PLA2R1: variants seen among roughly 807,000 people sequenced by gnomAD.
The protein encoded by PLA2R1 is secretory phospholipase A2 receptor.
A neutral mutation model predicts 195.9 loss-of-function variants in PLA2R1; 158 were observed. The ratio of observed to expected loss-of-function variants is 0.81; its 90% CI spans 0.71 to 0.92. PLA2R1 has a LOEUF of 0.92. PLA2R1 is among the 40% of genes least tolerant of loss of function. The pLI is 0.00. For missense variants in PLA2R1, 1,626 were observed against 1,764.6 expected (o/e 0.92, Z 1.41); for synonymous variants, 586 against 598.2 (o/e 0.98, Z 0.30).
At chr2:159,950,559 T>G (rs1687669075) in intron 24 of PLA2R1, among the ~76,000 whole-genome samples, 1 of 152,246 alleles carries the variant, frequency 6.6e-6, no homozygotes, top group Non-Finnish European at 1.5e-5. Context: ...TATCCTTACA[T>G]GCTGCGTTCT....
At chr2:159,991,778 A>C (rs916573319) in intron 11 of PLA2R1, among the ~76,000 whole-genome samples, 22 of 129,582 alleles carry the variant, frequency 1.7e-4, no homozygotes, top group Non-Finnish European at 9.9e-5. Context: ...CCATGTCCCT[A>C]CAAAGGACAT....
chr2:160,005,719 G>T lies in PLA2R1; in HGVS notation c.1767C>A (p.Tyr589Ter), dbSNP rs533200421. ...ALQDQNDTGE[Y>*]TWKPVGQKPE... ...GTTTCTGCCCTACTGGCTTCCAAGT[G>T]TATTCTCCCGTATCATTTTGGTCCT... Residue 589 changes from tyrosine (Y) to a stop codon, truncating the protein, a stop_gained, in exon 11 of 30, where the codon TAC (tyrosine) becomes TAA (stop). Transcript: ENST00000283243. LOFTEE classifies it high-confidence loss of function. 2 of 1,613,656 alleles carry T rather than the reference G, an allele frequency of 1.2e-6. No homozygotes were observed. The highest frequency in any genetic ancestry group is 1.7e-6 in the Non-Finnish European group (2 of 1,179,638).
intron 12 of PLA2R1, among the ~76,000 whole-genome samples, chr2:159,986,867 G>T (rs957206832): frequency 6.6e-6 from 1 of 152,146 alleles, no homozygotes; most frequent in African/African-American, 2.4e-5. Flanking sequence ...GATTACAGGC[G>T]TGAGTCACTG....
Position 160,062,322 on chromosome 2 carries a change from T to C in PLA2R1, c.82A>G (p.Thr28Ala), listed in dbSNP as rs1231078418. 4.0e-6 allele frequency: 6 copies of C among 1,507,020 alleles called. No homozygotes were observed. Among genetic ancestry groups the C allele is most frequent in the East Asian group, 2.7e-5 (1 of 37,108 alleles). The allele number at this position is 1,507,020 out of a possible 1,614,324, so 93.4% of individuals were successfully genotyped here. The change falls in exon 1 of 30, where the codon ACC becomes GCC. Residue 28 changes from threonine to alanine, a missense_variant. Thr to Ala is a moderately conservative substitution (Grantham distance 58). Transcript: ENST00000283243. ...TGCCACTCCAGGAGCCGCTCGGGGG[T>C]AAGCGCCGCCGCCACACCCTCGGCG... ...GCAEGVAAAL[T>A]PERLLEWQDK...
intron 15 of PLA2R1, 116 bp downstream of exon 15, chr2:159,977,168 G>A (rs894923267): frequency 3.1e-5 from 24 of 774,352 alleles, no homozygotes; most frequent in Non-Finnish European, 3.9e-5. Flanking sequence ...CTAAAGTAGT[G>A]TAATTTATTT....
intron 1 of PLA2R1, among the ~76,000 whole-genome samples, chr2:160,058,669 T>C (rs1695740131): frequency 6.6e-6 from 1 of 152,086 alleles, no homozygotes; most frequent in African/African-American, 2.4e-5. Flanking sequence ...AGTACTTGAG[T>C]GAGTGAAGTT....
At chr2:160,023,319 A>AT (rs1443145363) in intron 6 of PLA2R1, among the ~76,000 whole-genome samples, 6 of 152,328 alleles carry the variant, frequency 3.9e-5, no homozygotes, top group African/African-American at 1.4e-4. Flanking sequence ...AAGCTGCAGT[A>AT]AAGAAGCTGG....
chr2:160,042,788 G>GGT (rs1197822388), intron 2 of PLA2R1, among the ~76,000 whole-genome samples: 10 of 135,422 alleles, frequency 7.4e-5, no homozygotes, highest in Non-Finnish European at 1.6e-4. Flanking sequence ...GACAGAGTGG[G>GGT]GTGTGTGTGT....
chr2:159,957,392 T>C (rs1688160531), intron 20 of PLA2R1, among the ~76,000 whole-genome samples: 1 of 152,210 alleles, frequency 6.6e-6, no homozygotes, highest in African/African-American at 2.4e-5. Flanking sequence ...TCTTGCTCTG[T>C]TGCCCAGGCT....
intron 28 of PLA2R1, among the ~76,000 whole-genome samples, chr2:159,942,973 CTT>C (rs5835779): frequency 1.2e-4 from 17 of 139,342 alleles, no homozygotes; most frequent in Non-Finnish European, 1.3e-4. Context: ...CAGACTTGTT[CTT>C]TTTTTTTTTT....
intron 1 of PLA2R1, among the ~76,000 whole-genome samples, chr2:160,053,013 A>T (rs62175515): frequency 0.3 from 45,950 of 152,130 alleles, 8,736 homozygotes; most frequent in Non-Finnish European, 0.42. Context: ...GCCATAACAA[A>T]ATACCACAAA....
At position 159,960,283 on chromosome 2, in the gene PLA2R1, CTT is replaced by C. The variant is rs1688351387; in HGVS notation, c.2905-3658_2905-3657del. ...TATACACTTTTCTAGAACCACATAA[CTT>C]TCCTTCATCACGTACAGCACAGTTT... On this transcript the variant is annotated intron_variant, in intron 20 of 29. Coordinates refer to ENST00000283243, the MANE Select transcript of PLA2R1 (RefSeq NM_007366.5). 2.0e-5 allele frequency among the ~76,000 whole-genome samples: 3 copies of C among 152,268 alleles called. No individual in the cohort carries two copies. The South Asian group carries it at 6.2e-4, about 32-fold the overall frequency.
At chr2:160,042,822 T>C (rs868349125) in intron 2 of PLA2R1, among the ~76,000 whole-genome samples, 10,148 of 115,258 alleles carry the variant, frequency 0.088, 994 homozygotes, top group African/African-American at 0.24. Context: ...TGTGTGTGTG[T>C]GTGTGTGTGT....
At chr2:160,004,326 A>G (rs963700925) in intron 11 of PLA2R1, among the ~76,000 whole-genome samples, 3 of 152,210 alleles carry the variant, frequency 2.0e-5, no homozygotes, top group African/African-American at 7.2e-5. Context: ...TATATTCATG[A>G]TTTCATCGTT....
At chr2:160,009,433 A>ATTTCATTTAAGT (rs1692209382) in intron 10 of PLA2R1, among the ~76,000 whole-genome samples, 1 of 152,266 alleles carries the variant, frequency 6.6e-6, no homozygotes, top group African/African-American at 2.4e-5. Context: ...GAAATAAACC[A>ATTTCATTTAAGT]GACACAGAAA....
chr2:160,016,895 G>C (rs1692810926), intron 8 of PLA2R1, among the ~76,000 whole-genome samples, 183 bp from the exon 9 acceptor site: 1 of 152,208 alleles, frequency 6.6e-6, no homozygotes, highest in African/African-American at 2.4e-5. Context: ...CTTCTCTCCA[G>C]CATGAGTTCC....
intron 20 of PLA2R1, among the ~76,000 whole-genome samples, chr2:159,959,087 C>G (rs1197067098): frequency 6.6e-6 from 1 of 152,190 alleles, no homozygotes; most frequent in East Asian, 1.9e-4. Flanking sequence ...ACTGAATTGG[C>G]TTTCAAGGAG....
In PLA2R1 at chr2:159,977,345, G is replaced by C; in HGVS notation, c.2340C>G (p.Asn780Lys). Residue 780 changes from asparagine (N) to lysine (K), a missense_variant, in exon 15 of 30, where the codon AAC becomes AAG. Coordinates refer to ENST00000283243, the MANE Select transcript of PLA2R1 (RefSeq NM_007366.5). Reference protein sequence around the residue: ...DARNCAVYKANKTLLPLHCGS... With the variant: ...DARNCAVYKAKKTLLPLHCGS... ...CACAGTGTAAGGGCAGCAATGTTTTGTTTGCCTTATAAACAGCACAGTTTC... is the reference window on the plus strand; with the variant it reads ...CACAGTGTAAGGGCAGCAATGTTTTCTTTGCCTTATAAACAGCACAGTTTC... 2 of 1,612,934 alleles carry C rather than the reference G, an allele frequency of 1.2e-6. No homozygotes were observed. The highest frequency in any genetic ancestry group is 2.7e-5 in the African/African-American group (2 of 75,008).
chr2:159,980,430 T>G (rs1327866797), intron 13 of PLA2R1, among the ~76,000 whole-genome samples: 1 of 152,246 alleles, frequency 6.6e-6, no homozygotes, highest in African/African-American at 2.4e-5. Context: ...ACTATACTAT[T>G]TATTCTACTT....
Sources: allele counts gnomAD v4.1 joint callset (sites outside exome capture counted in the v4.1 genomes callset), GRCh38; gene constraint gnomAD v4.1.1; transcripts MANE v1.5; gene names NCBI Gene and HGNC (gene_info 2026-07-23, HGNC 2026-07-21).